The following CIMIP2A variants were observed in gnomAD, a reference collection of about 807,000 sequenced individuals.
The protein encoded by CIMIP2A is family with sequence similarity 166 member A.
chr9:137,245,395 C>CCCTT, the CIMIP2A span: 1 of 1,613,512 alleles, frequency 6.2e-7, no homozygotes, highest in Non-Finnish European at 8.5e-7. Flanking sequence ...TCTGGAGTCT[C>CCCTT]CCTTCCTGCC....
At chr9:137,244,447 A>G in the CIMIP2A span, 1 of 1,509,624 alleles carries the variant, frequency 6.6e-7, no homozygotes, top group Non-Finnish European at 8.9e-7. Flanking sequence ...CCAAAACTTG[A>G]GTGCAGGGAT....
the CIMIP2A span, chr9:137,244,502 G>A: frequency 6.7e-7 from 1 of 1,501,932 alleles, no homozygotes; most frequent in African/African-American, 1.4e-5. Flanking sequence ...CACCTCCGGG[G>A]ACAGGAGAGA....
the CIMIP2A span, chr9:137,244,849 TG>T: frequency 6.4e-7 from 1 of 1,566,020 alleles, no homozygotes; most frequent in East Asian, 2.3e-5. Context: ...TTTCGTTCCC[TG>T]AACGTTGGCG....
At chr9:137,251,938 G>A in the CIMIP2A span, 3 of 1,595,792 alleles carry the variant, frequency 1.9e-6, no homozygotes, top group Non-Finnish European at 2.6e-6. Context: ...GCTGGTCTTT[G>A]GGGGGCTGTG....
chr9:137,253,112 C>T, the CIMIP2A span: 1 of 1,553,636 alleles, frequency 6.4e-7, no homozygotes, highest in Non-Finnish European at 8.7e-7. Flanking sequence ...TCTCTTTCGG[C>T]AGCCCGAACC....
At chr9:137,248,900 C>T in the CIMIP2A span, among the ~76,000 whole-genome samples, 1 of 151,954 alleles carries the variant, frequency 6.6e-6, no homozygotes, top group Admixed American at 6.6e-5. Flanking sequence ...AAAAGGCAAA[C>T]TAAAAAACTG....
the CIMIP2A span, chr9:137,244,225 T>C: frequency 2.9e-5 from 47 of 1,613,930 alleles, no homozygotes; most frequent in East Asian, 7.8e-4. Flanking sequence ...TAGATGTGGT[T>C]GCTGGGCCAG....
the CIMIP2A span, chr9:137,252,414 C>G: frequency 1.2e-6 from 2 of 1,603,960 alleles, no homozygotes; most frequent in Non-Finnish European, 1.7e-6. Context: ...CCAGCCTTCT[C>G]TCTCTCCATC....
At chr9:137,245,616 A>C in the CIMIP2A span, 1 of 1,611,530 alleles carries the variant, frequency 6.2e-7, no homozygotes, top group Non-Finnish European at 8.5e-7. Flanking sequence ...AGGAGGGTGC[A>C]GGGCTGGGGA....
the CIMIP2A span, chr9:137,252,251 C>G: frequency 2.1e-6 from 3 of 1,425,232 alleles, no homozygotes; most frequent in Non-Finnish European, 2.9e-6. Context: ...CCCTTCCCTG[C>G]GTTCACCTCT....
the CIMIP2A span, chr9:137,253,497 C>T: frequency 7.0e-7 from 1 of 1,426,702 alleles, no homozygotes. Flanking sequence ...CTGTGGTGTG[C>T]AGTTGTCTGT....
chr9:137,253,099 C>T, the CIMIP2A span: 2 of 1,549,650 alleles, frequency 1.3e-6, no homozygotes, highest in Admixed American at 3.8e-5. Context: ...GGGCTCCCAG[C>T]CTTCTCTTTC....
the CIMIP2A span, chr9:137,245,365 T>C: frequency 3.1e-6 from 5 of 1,611,588 alleles, no homozygotes; most frequent in South Asian, 5.5e-5. Flanking sequence ...CTCTTCCCCG[T>C]ATACTGGGTG....
At chr9:137,247,790 A>G in the CIMIP2A span, 1 of 1,448,608 alleles carries the variant, frequency 6.9e-7, no homozygotes. Context: ...GAGTCCTGTC[A>G]CCGGGCAACC....
the CIMIP2A span, chr9:137,251,187 A>T: frequency 1.1e-6 from 1 of 909,650 alleles, no homozygotes; most frequent in African/African-American, 1.6e-5. Context: ...CTCCAGGGCC[A>T]GACAATGTGT....
the CIMIP2A span, chr9:137,245,748 A>G: frequency 6.3e-7 from 1 of 1,592,264 alleles, no homozygotes; most frequent in African/African-American, 1.3e-5. Context: ...GGGACAGCAC[A>G]GAGCAGGGGC....
the CIMIP2A span, chr9:137,243,921 G>A: frequency 9.2e-7 from 1 of 1,082,080 alleles, no homozygotes. Context: ...CTTGCTTGTT[G>A]AAGGCAGGCC....
chr9:137,243,870 G>T, the CIMIP2A span: 1 of 1,462,838 alleles, frequency 6.8e-7, no homozygotes, highest in Non-Finnish European at 9.6e-7. Flanking sequence ...TCAGAGAAGT[G>T]TGGGGCTGCC....
the CIMIP2A span, among the ~76,000 whole-genome samples, chr9:137,254,769 C>T: frequency 3.9e-5 from 6 of 152,144 alleles, no homozygotes; most frequent in East Asian, 9.7e-4. Flanking sequence ...CCGCGGAGCT[C>T]GGTGGGCGCC....
Sources: gnomAD v4.1 joint callset for allele counts (sites outside exome capture counted in the v4.1 genomes callset) on GRCh38, gnomAD v4.1.1 for gene constraint, MANE v1.5 for transcripts, NCBI Gene and HGNC (gene_info 2026-07-23, HGNC 2026-07-21) for gene names.